GABBR2: variants seen among roughly 807,000 people sequenced by gnomAD.
The protein encoded by GABBR2 is G-protein coupled receptor 51.
GABBR2 carries 23 observed loss-of-function variants against 105.6 expected under a neutral mutation model. The observed-to-expected ratio is 0.22, with a 90% confidence interval of 0.16 to 0.31. The LOEUF is 0.31. Ranked by LOEUF, GABBR2 falls within the 10% of genes least tolerant of loss-of-function variation. The probability of loss-of-function intolerance (pLI) is 1.00; values close to 1 mark genes in which losing one functional copy is unlikely to be tolerated. For synonymous variants in GABBR2, 478 were observed against 499.7 expected (o/e 0.96, Z 0.58); for missense variants, 734 against 1,245.5 (o/e 0.59, Z 6.18).
chr9:98,678,349 G>A (rs1015614673), intron 1 of GABBR2, among the ~76,000 whole-genome samples: 26 of 152,256 alleles, frequency 1.7e-4, no homozygotes, highest in Admixed American at 9.2e-4. Context: ...CACCCTAACC[G>A]CTTATTTACT....
chr9:98,623,335 C>G (rs1484356492), intron 1 of GABBR2, among the ~76,000 whole-genome samples: 1 of 152,012 alleles, frequency 6.6e-6, no homozygotes, highest in African/African-American at 2.4e-5. Context: ...AGGCTGAGGT[C>G]GGAGGATCAC....
At chr9:98,608,528 A>C (rs1365733992) in intron 1 of GABBR2, among the ~76,000 whole-genome samples, 1 of 152,184 alleles carries the variant, frequency 6.6e-6, no homozygotes, top group East Asian at 1.9e-4. Context: ...GATGCAAACT[A>C]TGCTTCTCTA....
chr9:98,429,196 G>A (rs1001541058), intron 7 of GABBR2, among the ~76,000 whole-genome samples: 4 of 151,726 alleles, frequency 2.6e-5, no homozygotes, highest in Admixed American at 2.6e-4. Context: ...CTGGAGTGCA[G>A]TGGTGCAATC....
chr9:98,389,032 G>A (rs377264924), intron 9 of GABBR2, 28 bp from the exon 10 acceptor site: 13 of 1,597,580 alleles, frequency 8.1e-6, no homozygotes, highest in Non-Finnish European at 1.1e-5. Flanking sequence ...GACATCAGTG[G>A]GACCCAATGC....
At position 98,454,287 on chromosome 9, in the gene GABBR2, A is replaced by G. The variant is rs1167687647; in HGVS notation, c.1000-70T>C. 4.9e-6 allele frequency: 5 copies of G among 1,015,994 alleles called. No individual in the cohort carries two copies. Among genetic ancestry groups the G allele is most frequent in the Non-Finnish European group, 7.8e-6 (5 of 637,962 alleles). The allele number at this position is 1,015,994 out of a possible 1,614,324, so 62.9% of individuals were successfully genotyped here. ...GGGACATCAGGTGCCTGATGCCGAG[A>G]AGAGCTGCTATTCTTCAATGCCCAC... is the stretch of plus-strand genomic sequence containing the variant. On this transcript the variant is annotated intron_variant, in intron 6 of 18. Coordinates refer to ENST00000259455, the MANE Select transcript of GABBR2 (RefSeq NM_005458.8). The surrounding 1 kb of genome is among the most constrained non-coding windows in gnomAD (Gnocchi z 4.6).
intron 9 of GABBR2, among the ~76,000 whole-genome samples, chr9:98,390,574 T>C (rs1442237300): frequency 6.6e-6 from 1 of 151,756 alleles, no homozygotes; most frequent in Non-Finnish European, 1.5e-5. Context: ...GGGCCAAAAG[T>C]CTGGGCTAAA....
Position 98,649,109 on chromosome 9 carries a change from C to A in GABBR2, c.321+59308G>T, listed in dbSNP as rs538425855. 8.7e-4 allele frequency among the ~76,000 whole-genome samples: 133 copies of A among 152,264 alleles called. 2 individuals carry two copies. In the South Asian group the frequency reaches 0.027, roughly 31 times the overall value. ...TCCAAATCCAGGTCAGTTTCAAAGGCAGATTTCTCCTGATTCATCTCTCAG... is the reference window on the plus strand; with the variant it reads ...TCCAAATCCAGGTCAGTTTCAAAGGAAGATTTCTCCTGATTCATCTCTCAG... On this transcript the variant is annotated intron_variant, in intron 1 of 18. Transcript: ENST00000259455.
At chr9:98,362,586 G>T in intron 13 of GABBR2, 129 bp downstream of exon 13, 1 of 634,564 alleles carries the variant, frequency 1.6e-6, no homozygotes, top group Non-Finnish European at 2.4e-6. Context: ...GTCTCAAATG[G>T]AAGGAAATGG....
chr9:98,690,902 TG>T (rs1224540941), intron 1 of GABBR2, among the ~76,000 whole-genome samples: 1 of 152,234 alleles, frequency 6.6e-6, no homozygotes, highest in African/African-American at 2.4e-5. Flanking sequence ...CCTTCTGCCC[TG>T]TGACTGCACA....
At chr9:98,347,559 A>G (rs939649957) in intron 13 of GABBR2, among the ~76,000 whole-genome samples, 1 of 152,174 alleles carries the variant, frequency 6.6e-6, no homozygotes, top group African/African-American at 2.4e-5. Flanking sequence ...TTTGCTATGC[A>G]GAGGTCTTTT....
chr9:98,483,404 G>A (rs1356139567), intron 4 of GABBR2, among the ~76,000 whole-genome samples: 1 of 152,110 alleles, frequency 6.6e-6, no homozygotes, highest in African/African-American at 2.4e-5. Context: ...GCAGAGGAAG[G>A]GTTCATTCCT....
chr9:98,559,494 T>A (rs1828635092), intron 2 of GABBR2, among the ~76,000 whole-genome samples: 1 of 152,240 alleles, frequency 6.6e-6, no homozygotes, highest in East Asian at 1.9e-4. Context: ...CCAGAGATAA[T>A]GCCACCAGAA....
At chr9:98,477,775 T>G (rs1316471995) in intron 5 of GABBR2, among the ~76,000 whole-genome samples, 1 of 152,224 alleles carries the variant, frequency 6.6e-6, no homozygotes, top group African/African-American at 2.4e-5. Context: ...CCTTTTTATA[T>G]TAAGGTTTAC....
Position 98,473,388 on chromosome 9 carries a change from C to T in GABBR2, c.799-42G>A, listed in dbSNP as rs756971082. 5.3e-6 allele frequency: 7 copies of T among 1,325,488 alleles called. No individual in the cohort carries two copies. In the South Asian group the frequency reaches 8.3e-5, roughly 16 times the overall value. The allele number at this position is 1,325,488 out of a possible 1,614,324, so 82.1% of individuals were successfully genotyped here. A position where few individuals can be genotyped will look rare whatever the true frequency, so the allele number is the denominator to read the frequency against. On this transcript the variant is annotated intron_variant, in intron 5 of 18. Transcript: ENST00000259455. ...GACTATGAGGGCATTGAGAGTCGCA[C>T]AGTTCAAGGCTCTGTGCCCTGGAAG...
chr9:98,528,958 G>A (rs1588213469), intron 3 of GABBR2, among the ~76,000 whole-genome samples: 1 of 142,384 alleles, frequency 7.0e-6, no homozygotes, highest in African/African-American at 3.1e-5. Flanking sequence ...GTACAAGTAT[G>A]AGTTTACTGC....
chr9:98,685,090 C>T (rs146483554), intron 1 of GABBR2, among the ~76,000 whole-genome samples: 1,827 of 152,304 alleles, frequency 0.012, 20 homozygotes, highest in Middle Eastern at 0.031. Flanking sequence ...ACCATCTAAT[C>T]AGCTGCCAGC....
chr9:98,684,111 C>G (rs928822037), intron 1 of GABBR2, among the ~76,000 whole-genome samples: 5 of 132,674 alleles, frequency 3.8e-5, no homozygotes, highest in African/African-American at 1.4e-4. Flanking sequence ...CTGGCAGAGC[C>G]AGAAAGCTCT....
At chr9:98,594,970 G>A (rs940500497) in intron 1 of GABBR2, among the ~76,000 whole-genome samples, 5 of 152,232 alleles carry the variant, frequency 3.3e-5, no homozygotes, top group Non-Finnish European at 2.9e-5. Flanking sequence ...ACAGGTCAGA[G>A]CCCGGTTCTC....
chr9:98,609,204 A>G (rs569077104), intron 1 of GABBR2, among the ~76,000 whole-genome samples: 4 of 152,216 alleles, frequency 2.6e-5, no homozygotes, highest in Non-Finnish European at 5.9e-5. Flanking sequence ...ATCATTTCTT[A>G]TAAAACCATT....
Sources: allele counts gnomAD v4.1 joint callset (sites outside exome capture counted in the v4.1 genomes callset), GRCh38; gene constraint gnomAD v4.1.1; non-coding constraint Gnocchi (gnomAD v3.1); transcripts MANE v1.5; gene names NCBI Gene and HGNC (gene_info 2026-07-23, HGNC 2026-07-21).